MDGA2: variants seen among roughly 807,000 people sequenced by gnomAD.
MDGA2 encodes the protein MAM domain containing glycosylphosphatidylinositol anchor 2.
MDGA2 carries 40 observed loss-of-function variants against 117.8 expected under a neutral mutation model. That is an observed-to-expected ratio of 0.34 (90% CI 0.26 to 0.44). The LOEUF is 0.44. MDGA2 is among the 20% of genes least tolerant of loss of function. The pLI is 1.00. For missense variants in MDGA2, 1,123 were observed against 1,250.6 expected (o/e 0.90, Z 1.54); for synonymous variants, 452 against 439.0 (o/e 1.03, Z -0.37).
chr14:47,434,255 C>T (rs1447697838), intron 1 of MDGA2, among the ~76,000 whole-genome samples: 2 of 152,044 alleles, frequency 1.3e-5, no homozygotes, highest in Non-Finnish European at 2.9e-5. Context: ...CAATAATACT[C>T]AGATACAGAC....
At position 46,841,760 on chromosome 14, in the gene MDGA2, T is replaced by G. The variant is rs1255891604; in HGVS notation, c.*171A>C. ...TAGTCTGGAATAAGTTATACTTCCA[T>G]GATGTCTTTTTATCCCCAGTGCTTA... On this transcript the variant is annotated 3_prime_UTR_variant, in exon 17 of 17. Transcript: ENST00000399232. 9 of 478,712 alleles carry G rather than the reference T, an allele frequency of 1.9e-5. No homozygotes were observed. The highest frequency in any genetic ancestry group is 3.4e-5 in the Non-Finnish European group (9 of 265,146). The allele number at this position is 478,712 out of a possible 1,614,324, so 29.7% of individuals were successfully genotyped here.
chr14:47,330,757 A>C (rs1173409820), intron 1 of MDGA2, among the ~76,000 whole-genome samples: 1 of 151,926 alleles, frequency 6.6e-6, no homozygotes, highest in East Asian at 1.9e-4. Context: ...CAAAAACCTA[A>C]GCAAATGATT....
intron 1 of MDGA2, among the ~76,000 whole-genome samples, chr14:47,589,601 A>G (rs1896397757): frequency 1.3e-5 from 2 of 151,956 alleles, no homozygotes; most frequent in South Asian, 4.1e-4. Context: ...GGTCACATGA[A>G]TCCTCCAAAT....
chr14:47,456,522 C>T (rs1893358113), intron 1 of MDGA2, among the ~76,000 whole-genome samples: 1 of 150,884 alleles, frequency 6.6e-6, no homozygotes, highest in East Asian at 2.0e-4. Flanking sequence ...AGGCTGGTAT[C>T]GAACTCCCAA....
intron 6 of MDGA2, among the ~76,000 whole-genome samples, chr14:47,082,332 G>GAAA (rs11285576): frequency 6.9e-6 from 1 of 144,532 alleles, no homozygotes. Context: ...TCCAGGGAAG[G>GAAA]AAAAAAAAAA....
intron 3 of MDGA2, among the ~76,000 whole-genome samples, chr14:47,207,519 G>C (rs1885729134): frequency 6.6e-6 from 1 of 151,858 alleles, no homozygotes; most frequent in African/African-American, 2.4e-5. Context: ...ATAAGATAGT[G>C]GAAGTGGGAT....
chr14:46,905,571 T>C (rs1883457944), intron 10 of MDGA2, among the ~76,000 whole-genome samples: 1 of 152,182 alleles, frequency 6.6e-6, no homozygotes, highest in Non-Finnish European at 1.5e-5. Context: ...ATGTAATGTT[T>C]CTTAAATCTT....
intron 6 of MDGA2, among the ~76,000 whole-genome samples, chr14:47,087,341 C>T (rs572160459): frequency 1.3e-5 from 2 of 151,096 alleles, no homozygotes; most frequent in South Asian, 4.2e-4. Flanking sequence ...ATGGTGAAAC[C>T]CCACCTCTAC....
Position 47,022,001 on chromosome 14 carries a change from CTG to C in MDGA2, c.1819+13008_1819+13009del, listed in dbSNP as rs1888302613. Among the ~76,000 whole-genome samples, 3 of 152,116 alleles carry C rather than the reference CTG, an allele frequency of 2.0e-5. No individual in the cohort carries two copies. In the South Asian group the frequency reaches 6.2e-4, roughly 32 times the overall value. ...TAGGTTGAATTGCAGTATCAAAAAA[CTG>C]TACGTGTAGAGTTATAACTTCACTG... On this transcript the variant is annotated intron_variant, in intron 8 of 16. Transcript: ENST00000399232.
At chr14:47,072,088 GGTT>G (rs773274714) in intron 6 of MDGA2, among the ~76,000 whole-genome samples, 2,320 of 114,272 alleles carry the variant, frequency 0.02, 79 homozygotes, top group Non-Finnish European at 0.033. Context: ...GAAGTTTGTT[GGTT>G]GTTGTTGTTT....
At position 47,043,612 on chromosome 14, in the gene MDGA2, T is replaced by A. The variant is rs138274312; in HGVS notation, c.1526-8308A>T. 5.6e-3 allele frequency among the ~76,000 whole-genome samples: 856 copies of A among 152,228 alleles called. 5 individuals are homozygous for A. The highest frequency in any genetic ancestry group is 8.3e-3 in the Non-Finnish European group (565 of 67,964). ...CTATTTCTTAAAAATCATGTCACTA[T>A]ATTATTTCAATATCTACAGTAGTTT... On this transcript the variant is annotated intron_variant, in intron 7 of 16. Coordinates refer to ENST00000399232, the MANE Select transcript of MDGA2 (RefSeq NM_001113498.3).
intron 2 of MDGA2, among the ~76,000 whole-genome samples, chr14:47,219,683 C>A (rs992160138): frequency 1.3e-5 from 2 of 151,700 alleles, no homozygotes; most frequent in Non-Finnish European, 2.9e-5. Flanking sequence ...AAATGCTAAA[C>A]GATAGGTGGT....
chr14:47,239,893 G>A (rs1251543099), intron 2 of MDGA2, among the ~76,000 whole-genome samples: 1 of 151,562 alleles, frequency 6.6e-6, no homozygotes, highest in Non-Finnish European at 1.5e-5. Flanking sequence ...TTTTCCCAGA[G>A]TTTAGTAGCA....
At position 46,967,769 on chromosome 14, in the gene MDGA2, C is replaced by T. The variant is rs191896719; in HGVS notation, c.1820-10126G>A. ...CTATATTTACTGTTTTTTTCTTATA[C>T]ATGCATACATACCTATGATAAATTT... On this transcript the variant is annotated intron_variant, in intron 8 of 16. Coordinates refer to ENST00000399232, the MANE Select transcript of MDGA2 (RefSeq NM_001113498.3). Among the ~76,000 whole-genome samples the T allele has an allele frequency of 3.9e-3, 590 of 152,236 alleles. 8 individuals are homozygous for T. The highest frequency in any genetic ancestry group is 0.014 in the African/African-American group (578 of 41,532).
At chr14:46,987,315 C>T (rs1886896908) in intron 8 of MDGA2, among the ~76,000 whole-genome samples, 2 of 152,064 alleles carry the variant, frequency 1.3e-5, no homozygotes, top group South Asian at 4.1e-4. Context: ...AATGCTGAAG[C>T]ACTGTCACAA....
In MDGA2 at chr14:47,329,981, A is replaced by C. The variant is rs370470569; in HGVS notation, c.281-28431T>G. 2.6e-5 allele frequency among the ~76,000 whole-genome samples: 4 copies of C among 151,964 alleles called. No homozygotes were observed. The East Asian group carries it at 7.7e-4, about 29-fold the overall frequency. ...GAAAGCAAATAATTTCAATGAACCA[A>C]TCAGGTGTTTTAATAATATTCAAAC... is the stretch of plus-strand genomic sequence containing the variant. On this transcript the variant is annotated intron_variant, in intron 1 of 16. Transcript: ENST00000399232.
At chr14:47,310,606 A>C (rs1889604534) in intron 1 of MDGA2, among the ~76,000 whole-genome samples, 1 of 152,072 alleles carries the variant, frequency 6.6e-6, no homozygotes, top group Non-Finnish European at 1.5e-5. Flanking sequence ...GAATATATAT[A>C]TATATGTTCC....
chr14:47,104,229 T>G (rs77200484), intron 5 of MDGA2, among the ~76,000 whole-genome samples: 41,730 of 151,834 alleles, frequency 0.27, 6,217 homozygotes, highest in South Asian at 0.47. Context: ...AGCCATCGCA[T>G]CCCCTGTGAC....
chr14:47,362,620 AG>A (rs1415730788), intron 1 of MDGA2, among the ~76,000 whole-genome samples: 54 of 152,282 alleles, frequency 3.5e-4, no homozygotes, highest in African/African-American at 1.2e-3. Flanking sequence ...AAGATTATAA[AG>A]TTATTAGGTA....
Sources: allele counts gnomAD v4.1 joint callset (sites outside exome capture counted in the v4.1 genomes callset), GRCh38; gene constraint gnomAD v4.1.1; transcripts MANE v1.5; gene names NCBI Gene and HGNC (gene_info 2026-07-23, HGNC 2026-07-21).